The following SH3RF3 variants were observed in gnomAD, a reference collection of about 807,000 sequenced individuals.
The protein encoded by SH3RF3 is SH3 domain containing ring finger 3, also known as E3 ubiquitin-protein ligase SH3RF3.
SH3RF3 carries 29 observed loss-of-function variants against 66.3 expected under a neutral mutation model. The observed-to-expected ratio is 0.44, with a 90% CI of 0.33 to 0.60. The LOEUF (loss-of-function observed/expected upper bound fraction) is 0.60. SH3RF3 is among the 20% of genes least tolerant of loss of function. SH3RF3 has a pLI of 0.04. For synonymous variants in SH3RF3, 583 were observed against 532.0 expected, an observed-to-expected ratio of 1.10 and a Z score of -1.32; for missense variants, 1,194 against 1,190.9, an observed-to-expected ratio of 1.00 and a Z score of -0.04.
chr2:109,432,154 C>G (rs1412501591), intron 5 of SH3RF3, among the ~76,000 whole-genome samples: 1 of 152,144 alleles, frequency 6.6e-6, no homozygotes, highest in Non-Finnish European at 1.5e-5. Context: ...AAGAGCTGGC[C>G]CTGGGATGCA....
intron 1 of SH3RF3, among the ~76,000 whole-genome samples, chr2:109,344,563 A>G (rs761896361): frequency 2.0e-5 from 3 of 152,186 alleles, no homozygotes; most frequent in Non-Finnish European, 4.4e-5. Context: ...CAGGTGCATG[A>G]GCTTGGCCCT....
intron 4 of SH3RF3, among the ~76,000 whole-genome samples, chr2:109,411,865 A>G (rs1439440463): frequency 6.6e-6 from 1 of 152,162 alleles, no homozygotes; most frequent in Non-Finnish European, 1.5e-5. Flanking sequence ...TAAATCCCAC[A>G]TATTTGCTTG....
At position 109,503,124 on chromosome 2, in the gene SH3RF3, T is replaced by C. The variant is rs1166771477; in HGVS notation, c.*1453T>C. 1 of 152,220 alleles carries C rather than the reference T, an allele frequency of 6.6e-6. No individual in the cohort carries two copies. The highest frequency in any genetic ancestry group is 1.5e-5 in the Non-Finnish European group (1 of 68,040). The allele number at this position is 152,220 out of a possible 1,614,324, so 9.4% of individuals were successfully genotyped here. On this transcript the variant is annotated 3_prime_UTR_variant, in exon 10 of 10. Transcript: ENST00000309415. ...TCCCAGGAAGACTGATCAGGAGCCC[T>C]TCAGGGACAATTTTGTTCTCAAGAT...
chr2:109,409,050 A>G (rs1213580163), intron 4 of SH3RF3, among the ~76,000 whole-genome samples: 1 of 151,780 alleles, frequency 6.6e-6, no homozygotes, highest in African/African-American at 2.4e-5. Context: ...TCCTTAACAG[A>G]CCTCCCCTTT....
chr2:109,164,084 G>T (rs1243334205), intron 1 of SH3RF3, among the ~76,000 whole-genome samples: 2 of 152,114 alleles, frequency 1.3e-5, no homozygotes, highest in Non-Finnish European at 2.9e-5. Flanking sequence ...CTGGCTGTGG[G>T]GGATGGAGGA....
At chr2:109,418,375 GC>G (rs1233620097) in intron 4 of SH3RF3, among the ~76,000 whole-genome samples, 1 of 152,202 alleles carries the variant, frequency 6.6e-6, no homozygotes, top group Non-Finnish European at 1.5e-5. Context: ...TTCTCTCACA[GC>G]TCTAGAGGTC....
At chr2:109,153,230 C>T (rs886275989) in intron 1 of SH3RF3, among the ~76,000 whole-genome samples, 2 of 152,188 alleles carry the variant, frequency 1.3e-5, no homozygotes, top group Middle Eastern at 3.2e-3. Flanking sequence ...TGAGTACATT[C>T]ATTTCTAATA....
At chr2:109,190,588 A>G (rs1678325976) in intron 1 of SH3RF3, among the ~76,000 whole-genome samples, 1 of 152,234 alleles carries the variant, frequency 6.6e-6, no homozygotes, top group South Asian at 2.1e-4. Flanking sequence ...GAAGATGGGT[A>G]AATTACCACA....
At chr2:109,222,325 A>G (rs528352038) in intron 1 of SH3RF3, among the ~76,000 whole-genome samples, 4 of 152,348 alleles carry the variant, frequency 2.6e-5, no homozygotes, top group East Asian at 1.9e-4. Context: ...ATATTTTACA[A>G]TAGCTAAAAG....
intron 1 of SH3RF3, among the ~76,000 whole-genome samples, chr2:109,225,717 A>T (rs894276977): frequency 2.0e-5 from 3 of 152,258 alleles, no homozygotes; most frequent in Admixed American, 6.5e-5. Flanking sequence ...TGTTTGTCCT[A>T]GACTTAAATT....
At chr2:109,489,777 A>T (rs553348342) in intron 8 of SH3RF3, among the ~76,000 whole-genome samples, 53 of 151,854 alleles carry the variant, frequency 3.5e-4, no homozygotes, top group African/African-American at 1.1e-3. Flanking sequence ...TCGCTCTGTC[A>T]CCCAGGCTGG....
intron 1 of SH3RF3, among the ~76,000 whole-genome samples, chr2:109,186,211 A>C (rs1035755356): frequency 9.2e-5 from 14 of 152,260 alleles, no homozygotes; most frequent in African/African-American, 3.1e-4. Flanking sequence ...ACTGAAAAGA[A>C]GACGAAGTGA....
At chr2:109,206,490 C>CAA (rs36060217) in intron 1 of SH3RF3, among the ~76,000 whole-genome samples, 720 of 40,302 alleles carry the variant, frequency 0.018, 44 homozygotes, top group South Asian at 0.067. Flanking sequence ...GACTCCGTCT[C>CAA]AAAAAAAAAA....
intron 4 of SH3RF3, 109 bp from the exon 5 acceptor site, chr2:109,419,430 G>A: frequency 4.3e-6 from 5 of 1,162,870 alleles, no homozygotes; most frequent in Non-Finnish European, 6.1e-6. Context: ...AAACAGCCAG[G>A]CAGCTGGCGA....
chr2:109,194,373 A>G (rs1484039618), intron 1 of SH3RF3, among the ~76,000 whole-genome samples: 1 of 152,052 alleles, frequency 6.6e-6, no homozygotes, highest in Non-Finnish European at 1.5e-5. Flanking sequence ...GTCTGCTGCC[A>G]CCCCTGCTTC....
chr2:109,260,352 C>T (rs12469626), intron 1 of SH3RF3, among the ~76,000 whole-genome samples: 38,355 of 152,062 alleles, frequency 0.25, 5,256 homozygotes, highest in East Asian at 0.46. Context: ...ACCTGTGACC[C>T]GAGGTCAGGG....
intron 1 of SH3RF3, among the ~76,000 whole-genome samples, chr2:109,262,906 C>T (rs1680392623): frequency 1.3e-5 from 2 of 152,094 alleles, no homozygotes. Flanking sequence ...GATCTTGGCT[C>T]ACTGCAACCT....
At chr2:109,472,141 A>T (rs1203651022) in intron 8 of SH3RF3, among the ~76,000 whole-genome samples, 1 of 152,222 alleles carries the variant, frequency 6.6e-6, no homozygotes, top group Non-Finnish European at 1.5e-5. Flanking sequence ...ATTAACAACC[A>T]CCTGTGACCT....
intron 5 of SH3RF3, among the ~76,000 whole-genome samples, chr2:109,421,342 C>T (rs1676872433): frequency 6.6e-6 from 1 of 152,234 alleles, no homozygotes; most frequent in Non-Finnish European, 1.5e-5. Context: ...CTCTCAGTAG[C>T]TGCCACTTGT....
Sources: gnomAD v4.1 joint callset for allele counts (sites outside exome capture counted in the v4.1 genomes callset) on GRCh38, gnomAD v4.1.1 for gene constraint, MANE v1.5 for transcripts, NCBI Gene and HGNC (gene_info 2026-07-23, HGNC 2026-07-21) for gene names.